ISM1: variants seen among roughly 807,000 people sequenced by gnomAD.
ISM1 encodes isthmin 1.
Under a neutral mutation model 46.3 loss-of-function variants are expected in ISM1, and 25 were observed. The observed-to-expected ratio is 0.54, with a 90% CI of 0.39 to 0.75. ISM1 has a LOEUF of 0.75. ISM1 is among the 30% of genes least tolerant of loss of function. The probability of loss-of-function intolerance (pLI) is 0.00; values close to 1 mark genes in which losing one functional copy is unlikely to be tolerated. For synonymous variants in ISM1, 255 were observed against 256.7 expected, an observed-to-expected ratio of 0.99 and a Z score of 0.06; for missense variants, 536 against 625.4, an observed-to-expected ratio of 0.86 and a Z score of 1.52.
chr20:13,307,391 C>A, the ISM1 span, among the ~76,000 whole-genome samples: 677 of 152,232 alleles, frequency 4.4e-3, 3 homozygotes, highest in African/African-American at 0.015. Context: ...AACATCCATA[C>A]CAACACCAAG....
chr20:13,243,324 C>G (rs143630651), intron 1 of ISM1, among the ~76,000 whole-genome samples: 1,800 of 152,256 alleles, frequency 0.012, 44 homozygotes, highest in African/African-American at 0.041. Flanking sequence ...TTAGCAGTCC[C>G]AGCTCAGAAG....
intron 1 of ISM1, among the ~76,000 whole-genome samples, chr20:13,258,205 T>C (rs2123213421): frequency 6.6e-6 from 1 of 152,286 alleles, no homozygotes; most frequent in Non-Finnish European, 1.5e-5. Context: ...TCTGCATGTA[T>C]TACATCAACA....
At chr20:13,270,451 A>G in intron 1 of ISM1, 53 bp from the exon 2 acceptor site, 1 of 1,555,720 alleles carries the variant, frequency 6.4e-7, no homozygotes, top group East Asian at 2.4e-5. Context: ...TAAGGGTGAC[A>G]TTTTTTAATC....
intron 1 of ISM1, among the ~76,000 whole-genome samples, chr20:13,256,822 C>A (rs2039934988): frequency 6.6e-6 from 1 of 152,110 alleles, no homozygotes; most frequent in African/African-American, 2.4e-5. Context: ...ATTATATCCA[C>A]CCAGTGGGAA....
chr20:13,287,608 G>T (rs986869136), intron 3 of ISM1, among the ~76,000 whole-genome samples: 9 of 152,112 alleles, frequency 5.9e-5, no homozygotes, highest in African/African-American at 1.9e-4. Context: ...GTTTATTGAT[G>T]ATTGTTTCTC....
chr20:13,290,690 A>G (rs1355148188), intron 4 of ISM1, among the ~76,000 whole-genome samples: 4 of 152,302 alleles, frequency 2.6e-5, no homozygotes, highest in African/African-American at 9.6e-5. Flanking sequence ...AAATGAAGAT[A>G]AAGGTGAAGA....
the ISM1 span, among the ~76,000 whole-genome samples, chr20:13,308,098 T>C: frequency 6.6e-6 from 1 of 152,236 alleles, no homozygotes; most frequent in Admixed American, 6.5e-5. Context: ...CTTTCCTGAC[T>C]ACTCCACTCT....
Position 13,221,536 on chromosome 20 carries a change from G to C in ISM1, c.-241G>C, listed in dbSNP as rs1454169730. 6.9e-6 allele frequency among the ~76,000 whole-genome samples: 1 copy of C among 144,452 alleles called. No homozygotes were observed. The highest frequency in any genetic ancestry group is 1.5e-5 in the Non-Finnish European group (1 of 64,998). The allele number at this position is 144,452 out of a possible 152,430, so 94.8% of individuals were successfully genotyped here. ...CCGGCTTGGACACCCCCGGCCTCGC[G>C]GTGGCTCCGCCGTGGTGCGGCGGCG... is the stretch of plus-strand genomic sequence containing the variant. On this transcript the variant is annotated 5_prime_UTR_variant, in exon 1 of 6. Coordinates refer to ENST00000262487, the MANE Select transcript of ISM1 (RefSeq NM_080826.2).
At chr20:13,306,224 G>T in the ISM1 span, among the ~76,000 whole-genome samples, 1 of 152,064 alleles carries the variant, frequency 6.6e-6, no homozygotes, top group African/African-American at 2.4e-5. Flanking sequence ...TGACTCAAAG[G>T]ATATAAAAAT....
At chr20:13,222,511 T>A (rs2039463033) in intron 1 of ISM1, among the ~76,000 whole-genome samples, 1 of 152,050 alleles carries the variant, frequency 6.6e-6, no homozygotes, top group African/African-American at 2.4e-5. Flanking sequence ...TCCCCCCTTG[T>A]GCCCCCTTGG....
intron 1 of ISM1, among the ~76,000 whole-genome samples, chr20:13,260,413 G>A (rs1402083384): frequency 6.6e-6 from 1 of 152,188 alleles, no homozygotes; most frequent in East Asian, 1.9e-4. Context: ...AAAGTCGTTG[G>A]CAGGGCTTTG....
At position 13,297,047 on chromosome 20, in the gene ISM1, A is replaced by G. The variant is rs6109802; in HGVS notation, c.878-1895A>G. Among the ~76,000 whole-genome samples, 1,363 of 151,286 alleles carry G rather than the reference A, an allele frequency of 9.0e-3. 18 individuals are homozygous for G. Among genetic ancestry groups the G allele is most frequent in the African/African-American group, 0.031 (1,280 of 41,330 alleles). On this transcript the variant is annotated intron_variant, in intron 5 of 5. Coordinates refer to ENST00000262487, the MANE Select transcript of ISM1 (RefSeq NM_080826.2). The stretch of plus-strand genomic sequence containing the variant: ...CTGCCTCACCCCCCGCCAAAAAAAA[A>G]GATGTATTTTGTCCTGATCAATCAG...
At chr20:13,266,595 C>A (rs1417756470) in intron 1 of ISM1, among the ~76,000 whole-genome samples, 2 of 152,118 alleles carry the variant, frequency 1.3e-5, no homozygotes, top group African/African-American at 4.8e-5. Flanking sequence ...GATTGATGTT[C>A]AACTCAAAGA....
At chr20:13,317,052 C>T in the ISM1 span, among the ~76,000 whole-genome samples, 1 of 151,718 alleles carries the variant, frequency 6.6e-6, no homozygotes, top group African/African-American at 2.4e-5. Context: ...CCAAAACAAT[C>T]AACAAAAAAT....
intron 1 of ISM1, among the ~76,000 whole-genome samples, chr20:13,223,951 G>A (rs1367310851): frequency 3.3e-5 from 5 of 151,990 alleles, no homozygotes; most frequent in Admixed American, 1.3e-4. Context: ...GGCCTTTTCC[G>A]CTTGAACAGT....
intron 1 of ISM1, among the ~76,000 whole-genome samples, chr20:13,256,709 A>C (rs1348225749): frequency 6.6e-6 from 1 of 151,768 alleles, no homozygotes; most frequent in Non-Finnish European, 1.5e-5. Flanking sequence ...AGAGGTATTC[A>C]CTCTCCCCGA....
chr20:13,261,442 A>G (rs1001769079), intron 1 of ISM1, among the ~76,000 whole-genome samples: 1 of 152,080 alleles, frequency 6.6e-6, no homozygotes, highest in Non-Finnish European at 1.5e-5. Flanking sequence ...AAAAAAAAGA[A>G]AAAAGAAGCT....
At chr20:13,278,934 T>C (rs1224771819) in intron 2 of ISM1, among the ~76,000 whole-genome samples, 4 of 152,192 alleles carry the variant, frequency 2.6e-5, no homozygotes, top group Non-Finnish European at 4.4e-5. Context: ...CTTCCTTACA[T>C]AGCGGTTAGA....
intron 1 of ISM1, among the ~76,000 whole-genome samples, chr20:13,268,255 C>T (rs937139458): frequency 1.3e-5 from 2 of 151,032 alleles, no homozygotes. Context: ...CTCTTCACTC[C>T]TCTTCTCTTC....
Sources: gnomAD v4.1 joint callset for allele counts (sites outside exome capture counted in the v4.1 genomes callset) on GRCh38, gnomAD v4.1.1 for gene constraint, MANE v1.5 for transcripts, NCBI Gene and HGNC (gene_info 2026-07-23, HGNC 2026-07-21) for gene names.